TBC1D8B: variants seen among roughly 807,000 people sequenced by gnomAD.
TBC1D8B encodes the protein RP11-321G1.1.
A neutral mutation model predicts 82.9 loss-of-function variants in TBC1D8B; 75 were observed. The observed-to-expected ratio is 0.90, with a 90% CI of 0.75 to 1.10. The LOEUF is 1.10. Among genes scored for constraint, TBC1D8B ranks in the 50% least tolerant of loss-of-function variants. TBC1D8B has a pLI of 0.00. For synonymous variants in TBC1D8B, 276 were observed against 276.8 expected (o/e 1.00, Z 0.03); for missense variants, 794 against 796.9 (o/e 1.00, Z 0.04).
At chrX:106,821,050 G>A in intron 3 of TBC1D8B, 55 bp downstream of exon 3, 2 of 669,809 alleles carry the variant, frequency 3.0e-6, no homozygotes, top group Non-Finnish European at 4.4e-6. Context: ...TGACTCTCAT[G>A]TATGAGGATC....
intron 19 of TBC1D8B, among the ~76,000 whole-genome samples, chrX:106,870,194 C>T (rs749710710): frequency 9.0e-6 from 1 of 111,101 alleles, no homozygotes; most frequent in East Asian, 2.8e-4. Flanking sequence ...CCACACCCGG[C>T]TAATTTTCAT....
chrX:106,830,797 G>A (rs1443354886), intron 7 of TBC1D8B, among the ~76,000 whole-genome samples: 132 of 77,196 alleles, frequency 1.7e-3, no homozygotes, highest in African/African-American at 6.2e-3. Context: ...GACTGTGGTG[G>A]GGTGGGGGGA....
In TBC1D8B at chrX:106,811,772, G is replaced by C. The variant is rs185768779; in HGVS notation, c.131-6891G>C. On this transcript the variant is annotated intron_variant, in intron 1 of 20. Coordinates refer to ENST00000357242, the MANE Select transcript of TBC1D8B (RefSeq NM_017752.3). ...TGAGGGTTACTCTTTTTGTGCATTG[G>C]TGTATAGGTCTTGAAGAGTAAGAAG... Among the ~76,000 whole-genome samples, 17 of 111,538 alleles carry C rather than the reference G, an allele frequency of 1.5e-4. No individual in the cohort carries two copies. The Admixed American group carries it at 1.6e-3, about 11-fold the overall frequency.
In TBC1D8B at chrX:106,802,686, C is replaced by T; in HGVS notation, c.-168C>T. On this transcript the variant is annotated 5_prime_UTR_variant, in exon 1 of 21. Coordinates refer to ENST00000357242, the MANE Select transcript of TBC1D8B (RefSeq NM_017752.3). ...TGGGAGGGAATTGGCAATCTCTCTG[C>T]CTACGTGGGAGAGAAGGGAGGGTTG... The T allele has an allele frequency of 1.5e-6, 1 of 650,468 alleles. No homozygotes were observed. The highest frequency in any genetic ancestry group is 2.3e-6 in the Non-Finnish European group (1 of 429,798). The allele number at this position is 650,468 out of a possible 1,213,427, so 53.6% of individuals were successfully genotyped here.
At chrX:106,849,338 G>T in intron 11 of TBC1D8B, 1 of 1,105,079 alleles carries the variant, frequency 9.0e-7, no homozygotes, top group Non-Finnish European at 1.2e-6. Context: ...CACCTGGCAT[G>T]CTCTTTCTCC....
chrX:106,847,650 AACTCTAGGAT>A (rs775253339), intron 10 of TBC1D8B, among the ~76,000 whole-genome samples: 8 of 111,517 alleles, frequency 7.2e-5, no homozygotes, highest in Non-Finnish European at 1.3e-4. Flanking sequence ...TATAAGAAGA[AACTCTAGGAT>A]ATGAAACAGA....
intron 14 of TBC1D8B, among the ~76,000 whole-genome samples, chrX:106,860,343 GTGTGTGT>G (rs1932762167): frequency 4.4e-5 from 1 of 22,652 alleles, no homozygotes; most frequent in African/African-American, 2.8e-4. Flanking sequence ...TATGATTGGT[GTGTGTGT>G]GTGTGTGTGT....
chrX:106,841,201 A>G (rs1932297517), intron 10 of TBC1D8B, among the ~76,000 whole-genome samples: 1 of 112,238 alleles, frequency 8.9e-6, no homozygotes, highest in Non-Finnish European at 1.9e-5. Flanking sequence ...ACATTAAAGC[A>G]TATTCATTAA....
intron 7 of TBC1D8B, among the ~76,000 whole-genome samples, chrX:106,834,948 C>A (rs1932137614): frequency 1.8e-5 from 2 of 111,974 alleles, no homozygotes; most frequent in African/African-American, 6.5e-5. Context: ...TTTCCAAGTG[C>A]AAGGTGCAAG....
chrX:106,868,541 T>C, intron 18 of TBC1D8B, 65 bp downstream of exon 18: 6 of 763,955 alleles, frequency 7.9e-6, no homozygotes, highest in Non-Finnish European at 1.0e-5. Context: ...CTTGCTGACT[T>C]AGATATACTT....
At chrX:106,866,643 A>G (rs1932816926) in intron 16 of TBC1D8B, among the ~76,000 whole-genome samples, 154 bp from the exon 17 acceptor site, 1 of 112,374 alleles carries the variant, frequency 8.9e-6, no homozygotes, top group Non-Finnish European at 1.9e-5. Context: ...AGAGCATCTG[A>G]TTGACTAGGT....
At chrX:106,821,242 CAT>C (rs1931683861) in intron 3 of TBC1D8B, among the ~76,000 whole-genome samples, 1 of 110,997 alleles carries the variant, frequency 9.0e-6, no homozygotes, top group Non-Finnish European at 1.9e-5. Context: ...CAATTACTGA[CAT>C]ATTGTTTTCA....
intron 7 of TBC1D8B, among the ~76,000 whole-genome samples, chrX:106,837,194 G>A (rs1259547007): frequency 1.8e-5 from 2 of 111,236 alleles, no homozygotes; most frequent in African/African-American, 3.3e-5. Context: ...TAGGTAAATT[G>A]GATTACATCA....
chrX:106,850,021 G>A lies in TBC1D8B; in HGVS notation c.1838-4G>A, dbSNP rs1163832506. 2 of 1,182,474 alleles carry A rather than the reference G, an allele frequency of 1.7e-6. No individual in the cohort carries two copies. The highest frequency in any genetic ancestry group is 2.3e-6 in the Non-Finnish European group (2 of 882,964). On this transcript the variant is annotated splice_region_variant and splice_polypyrimidine_tract_variant and intron_variant, in intron 11 of 20. Coordinates refer to ENST00000357242, the MANE Select transcript of TBC1D8B (RefSeq NM_017752.3). ...ATTTTTAAACTTCTTTTGATATTCT[G>A]TAGGTGCCTTGGTGGATCAGGCAGT... is the stretch of plus-strand genomic sequence containing the variant.
At chrX:106,862,919 A>G (rs1354056353) in intron 14 of TBC1D8B, among the ~76,000 whole-genome samples, 2 of 107,074 alleles carry the variant, frequency 1.9e-5, no homozygotes, top group Non-Finnish European at 3.8e-5. Context: ...TGAGTGTGCT[A>G]CCTCTGCGGG....
In TBC1D8B at chrX:106,853,565, A is replaced by C. The variant is rs147370648; in HGVS notation, c.2168A>C (p.Asn723Thr). The C allele has an allele frequency of 8.3e-7, 1 of 1,208,599 alleles. No individual in the cohort carries two copies. The highest frequency in any genetic ancestry group is 3.0e-5 in the East Asian group (1 of 33,736). ...VTNKDSPLPS[N>T]VQQGSNVSDE... ...AATAAGGATAGTCCATTGCCTTCAA[A>C]TGTTCAGCAAGGTTCAAATGTGAGT... Residue 723 changes from asparagine to threonine, a missense_variant, in exon 13 of 21, where the codon AAT (asparagine) becomes ACT (threonine). Coordinates refer to ENST00000357242, the MANE Select transcript of TBC1D8B (RefSeq NM_017752.3).
chrX:106,805,600 A>G (rs1326178404), intron 1 of TBC1D8B, among the ~76,000 whole-genome samples: 2 of 112,240 alleles, frequency 1.8e-5, no homozygotes, highest in African/African-American at 6.5e-5. Flanking sequence ...TATCTGTGGT[A>G]TTGACAAGAT....
rs1419019671 is a variant in TBC1D8B at position 106,822,432 on chromosome X, A to G, written c.586+230A>G. On this transcript the variant is annotated intron_variant, in intron 4 of 20. Transcript: ENST00000357242. ...TGCATATCGTGGGAAGTGAGTCAGTATTAAATGATGATCTGGCATATGACT... is the reference window on the plus strand; with the variant it reads ...TGCATATCGTGGGAAGTGAGTCAGTGTTAAATGATGATCTGGCATATGACT... Among the ~76,000 whole-genome samples the G allele has an allele frequency of 8.1e-5, 9 of 111,662 alleles. No homozygotes were observed. In the Admixed American group the frequency reaches 8.6e-4, roughly 11 times the overall value.
At chrX:106,839,249 T>G (rs774347135) in intron 7 of TBC1D8B, 59 bp from the exon 8 acceptor site, 1 of 1,066,812 alleles carries the variant, frequency 9.4e-7, no homozygotes, top group African/African-American at 1.9e-5. Context: ...CATTAGAACT[T>G]TTTTTTCTTG....
Sources: gnomAD v4.1 joint callset for allele counts (sites outside exome capture counted in the v4.1 genomes callset) on GRCh38, gnomAD v4.1.1 for gene constraint, MANE v1.5 for transcripts, NCBI Gene and HGNC (gene_info 2026-07-23, HGNC 2026-07-21) for gene names.